Variants in ETFRF1 observed in about 807,000 individuals in gnomAD.
ETFRF1 encodes the protein LYR motif containing 5.
ETFRF1 carries 12 observed loss-of-function variants against 9.0 expected under a neutral mutation model. The ratio of observed to expected loss-of-function variants is 1.34; its 90% CI spans 0.86 to 2.16. The LOEUF (loss-of-function observed/expected upper bound fraction) is 2.16. Ranked by LOEUF, ETFRF1 falls within the 30% of genes most tolerant of loss-of-function variation. The pLI, the probability that ETFRF1 is intolerant of heterozygous loss-of-function variation, is 0.00. For synonymous variants in ETFRF1, 34 were observed against 33.2 expected, an observed-to-expected ratio of 1.02 and a Z score of -0.08; for missense variants, 98 against 101.8, an observed-to-expected ratio of 0.96 and a Z score of 0.16.
intron 1 of ETFRF1, among the ~76,000 whole-genome samples, chr12:25,199,723 C>T (rs1951059915): frequency 6.6e-6 from 1 of 151,816 alleles, no homozygotes; most frequent in Admixed American, 6.6e-5. Flanking sequence ...TCTTTGATTC[C>T]TTCCTGGTCT....
At chr12:25,200,246 AAAGG>A (rs1429804536) in intron 1 of ETFRF1, among the ~76,000 whole-genome samples, 3 of 152,152 alleles carry the variant, frequency 2.0e-5, no homozygotes, top group Non-Finnish European at 4.4e-5. Flanking sequence ...AGTACAGAAA[AAAGG>A]AAGAGAACAT....
rs1294454899 is a variant in ETFRF1 at position 25,205,077 on chromosome 12, G to GCAAA, written c.*768_*771dup. On this transcript the variant is annotated 3_prime_UTR_variant, in exon 3 of 3. Coordinates refer to ENST00000381356, the MANE Select transcript of ETFRF1 (RefSeq NM_001001660.3). Reference sequence around the variant, plus strand: ...CTTCTAAATATGGTTTTAAGTTTAAGCAAACACGCCTTTACATAATATCCA... The same window carrying GCAAA: ...CTTCTAAATATGGTTTTAAGTTTAAGCAAACAAACACGCCTTTACATAATATCCA... 4 of 213,694 alleles carry GCAAA rather than the reference G, an allele frequency of 1.9e-5. No individual in the cohort carries two copies. Among genetic ancestry groups the GCAAA allele is most frequent in the African/African-American group, 6.8e-5 (3 of 44,194 alleles). The allele number at this position is 213,694 out of a possible 1,614,324, so 13.2% of individuals were successfully genotyped here. A position where few individuals can be genotyped will look rare whatever the true frequency, so the allele number is the denominator to read the frequency against.
At position 25,204,873 on chromosome 12, in the gene ETFRF1, C is replaced by T. The variant is rs1047028015; in HGVS notation, c.*561C>T. 4.5e-5 allele frequency: 9 copies of T among 198,626 alleles called. No homozygotes were observed. Among genetic ancestry groups the T allele is most frequent in the Admixed American group, 4.2e-4 (7 of 16,548 alleles). 12.3% of individuals were successfully genotyped at this position (198,626 alleles called of 1,614,324 possible). On this transcript the variant is annotated 3_prime_UTR_variant, in exon 3 of 3. Transcript: ENST00000381356. ...TGACCTTGAAATAGCCTGCTGGTGACTGGCATTAACATACATAACTAACTA... is the reference window on the plus strand; with the variant it reads ...TGACCTTGAAATAGCCTGCTGGTGATTGGCATTAACATACATAACTAACTA...
chr12:25,197,570 T>C (rs1951040773), intron 1 of ETFRF1, among the ~76,000 whole-genome samples: 1 of 152,084 alleles, frequency 6.6e-6, no homozygotes, highest in Non-Finnish European at 1.5e-5. Flanking sequence ...GCTCAAGCGA[T>C]CCTCCCACCT....
chr12:25,198,077 A>T (rs1951044806), intron 1 of ETFRF1, among the ~76,000 whole-genome samples: 1 of 152,156 alleles, frequency 6.6e-6, no homozygotes, highest in Non-Finnish European at 1.5e-5. Context: ...CGCACCCTGA[A>T]ATTGGAAGTG....
chr12:25,196,999 A>C (rs1951031446), intron 1 of ETFRF1, among the ~76,000 whole-genome samples: 1 of 152,076 alleles, frequency 6.6e-6, no homozygotes, highest in Non-Finnish European at 1.5e-5. Context: ...CTAAAATAAT[A>C]CAAAAAATTA....
intron 1 of ETFRF1, among the ~76,000 whole-genome samples, chr12:25,201,800 T>G (rs1019031776): frequency 6.6e-6 from 1 of 152,102 alleles, no homozygotes; most frequent in Non-Finnish European, 1.5e-5. Context: ...AAACAGAAGT[T>G]AACAGGAGAA....
At chr12:25,195,405 T>G (rs541428914) in intron 1 of ETFRF1, 68 bp downstream of exon 1, 65 of 537,838 alleles carry the variant, frequency 1.2e-4, no homozygotes, top group Admixed American at 9.5e-5. Flanking sequence ...AGGCGAAATA[T>G]GCTCTGGGCG....
At chr12:25,197,701 G>A (rs1951041813) in intron 1 of ETFRF1, among the ~76,000 whole-genome samples, 1 of 152,024 alleles carries the variant, frequency 6.6e-6, no homozygotes, top group African/African-American at 2.4e-5. Context: ...AAACTCCTGA[G>A]CTCAAGCCAT....
chr12:25,202,574 G>C (rs1239154143), intron 1 of ETFRF1, among the ~76,000 whole-genome samples: 2 of 152,062 alleles, frequency 1.3e-5, no homozygotes, highest in Non-Finnish European at 2.9e-5. Context: ...GGGTAGGTTG[G>C]GGGAAAGGGG....
chr12:25,204,145 T>A lies in ETFRF1; in HGVS notation c.106T>A (p.Leu36Met). Residue 36 changes from leucine to methionine, a missense_variant, in exon 3 of 3, where the codon TTG (leucine) becomes ATG (methionine). By Grantham distance (15) the Leu-to-Met change is conservative (BLOSUM62 2). Transcript: ENST00000381356. ...PKGADYFKKRLKNIFLKNKDV... is the reference protein window; with the variant it reads ...PKGADYFKKRMKNIFLKNKDV... ...AGGAGCAGACTATTTTAAAAAGCGTTTGAAGAACATTTTCCTTAAAAACAA... is the reference window on the plus strand; with the variant it reads ...AGGAGCAGACTATTTTAAAAAGCGTATGAAGAACATTTTCCTTAAAAACAA... The A allele has an allele frequency of 6.2e-7, 1 of 1,611,206 alleles. No homozygotes were observed. Among genetic ancestry groups the A allele is most frequent in the South Asian group, 1.1e-5 (1 of 90,670 alleles).
chr12:25,202,867 T>C (rs1468769686), intron 1 of ETFRF1, among the ~76,000 whole-genome samples: 2 of 152,156 alleles, frequency 1.3e-5, no homozygotes, highest in African/African-American at 4.8e-5. Context: ...TGGAGATTAA[T>C]ATAAAAGTCA....
chr12:25,202,726 A>AAAG (rs1468458355), intron 1 of ETFRF1, among the ~76,000 whole-genome samples: 3 of 152,142 alleles, frequency 2.0e-5, no homozygotes, highest in Non-Finnish European at 4.4e-5. Flanking sequence ...ATGATTATAA[A>AAAG]AAGTAAATTT....
In ETFRF1 at chr12:25,204,470, G is replaced by GA. The variant is rs1951110006; in HGVS notation, c.*161dup. ...AGGTTTCAACTTCTGTTCATACGGAGAAAGTATCAGCAACTTTATGCTCAA... is the reference window on the plus strand; with the variant it reads ...AGGTTTCAACTTCTGTTCATACGGAGAAAAGTATCAGCAACTTTATGCTCAA... On this transcript the variant is annotated 3_prime_UTR_variant, in exon 3 of 3. Coordinates refer to ENST00000381356, the MANE Select transcript of ETFRF1 (RefSeq NM_001001660.3). The GA allele has an allele frequency of 2.0e-6, 1 of 491,412 alleles. No individual in the cohort carries two copies. The highest frequency in any genetic ancestry group is 3.4e-6 in the Non-Finnish European group (1 of 296,222). 30.4% of individuals were successfully genotyped at this position (491,412 alleles called of 1,614,324 possible).
intron 1 of ETFRF1, among the ~76,000 whole-genome samples, chr12:25,197,153 CAA>C (rs141032804): frequency 5.5e-5 from 7 of 127,572 alleles, no homozygotes; most frequent in Non-Finnish European, 6.8e-5. Flanking sequence ...GACTCCGTCT[CAA>C]AAAAAAAAAA....
Position 25,204,405 on chromosome 12 carries a change from G to T in ETFRF1, c.*93G>T. ...TAACTTAAAATGGGAAGATATACAT[G>T]TTGTGTAAAAAATCCCTGAGCTGCC... is the stretch of plus-strand genomic sequence containing the variant. On this transcript the variant is annotated 3_prime_UTR_variant, in exon 3 of 3. Transcript: ENST00000381356. 1 of 1,087,926 alleles carries T rather than the reference G, an allele frequency of 9.2e-7. No individual in the cohort carries two copies. The highest frequency in any genetic ancestry group is 1.2e-6 in the Non-Finnish European group (1 of 800,058). The allele number at this position is 1,087,926 out of a possible 1,614,324, so 67.4% of individuals were successfully genotyped here.
At chr12:25,197,274 G>A (rs1951038543) in intron 1 of ETFRF1, among the ~76,000 whole-genome samples, 1 of 152,114 alleles carries the variant, frequency 6.6e-6, no homozygotes. Flanking sequence ...TACATAATTT[G>A]TAAAAAGACC....
Position 25,204,280 on chromosome 12 carries a change from C to T in ETFRF1, c.241C>T (p.Arg81Cys), listed in dbSNP as rs556942265. 379 of 1,584,428 alleles carry T rather than the reference C, an allele frequency of 2.4e-4. 6 individuals carry two copies. In the South Asian group the frequency reaches 3.4e-3, roughly 14 times the overall value. Reference sequence around the variant, plus strand: ...TAGGAAATACAGAGCTATGAAACAACGCTATTATTCAGATACCAACAAAAC... The same window carrying T: ...TAGGAAATACAGAGCTATGAAACAATGCTATTATTCAGATACCAACAAAAC... ...FLRKYRAMKQ[R>C]YYSDTNKTN The change falls in exon 3 of 3, where the codon CGC becomes TGC. Residue 81 changes from arginine (R) to cysteine (C), a missense_variant. Arg to Cys is a radical substitution (Grantham distance 180). Coordinates refer to ENST00000381356, the MANE Select transcript of ETFRF1 (RefSeq NM_001001660.3).
chr12:25,199,623 C>T (rs1183439273), intron 1 of ETFRF1, among the ~76,000 whole-genome samples: 1 of 131,208 alleles, frequency 7.6e-6, no homozygotes, highest in Non-Finnish European at 1.8e-5. Context: ...TATACATACA[C>T]ACACACACAC....
Sources: gnomAD v4.1 joint callset for allele counts (sites outside exome capture counted in the v4.1 genomes callset) on GRCh38, gnomAD v4.1.1 for gene constraint, MANE v1.5 for transcripts, NCBI Gene and HGNC (gene_info 2026-07-23, HGNC 2026-07-21) for gene names.